Variants in LZTS1 observed in about 807,000 individuals in gnomAD.
The protein encoded by LZTS1 is leucine zipper putative tumor suppressor 1.
A neutral mutation model predicts 45.8 loss-of-function variants in LZTS1; 31 were observed. The ratio of observed to expected loss-of-function variants is 0.68; its 90% CI spans 0.51 to 0.91. LZTS1 has a LOEUF of 0.91. LZTS1 is among the 40% of genes least tolerant of loss of function. LZTS1 has a pLI of 0.00. For synonymous variants in LZTS1, 359 were observed against 357.3 expected (o/e 1.00, Z -0.05); for missense variants, 821 against 788.9 (o/e 1.04, Z -0.49).
chr8:20,265,649 A>AT (rs1800337971), intron 1 of LZTS1, among the ~76,000 whole-genome samples: 1 of 120,308 alleles, frequency 8.3e-6, no homozygotes, highest in African/African-American at 3.1e-5. Flanking sequence ...ACTGCACTCC[A>AT]GCCTGGGCAA....
rs900115111 is a variant in LZTS1, at chr8:20,303,853, C to T, written c.-248G>A. On this transcript the variant is annotated 5_prime_UTR_variant, in exon 1 of 4. Transcript: ENST00000381569. The stretch of plus-strand genomic sequence containing the variant: ...TGAGCGGGCCGGGCCGGTCCCACTG[C>T]GCGGGATGCAGCTCCCGGCTCCCAC... 6.1e-6 allele frequency: 6 copies of T among 985,078 alleles called. No homozygotes were observed. Among genetic ancestry groups the T allele is most frequent in the Non-Finnish European group, 7.2e-6 (6 of 829,856 alleles). The allele number at this position is 985,078 out of a possible 1,614,324, so 61.0% of individuals were successfully genotyped here.
At chr8:20,290,831 AG>A (rs1800888712) in intron 1 of LZTS1, among the ~76,000 whole-genome samples, 1 of 152,362 alleles carries the variant, frequency 6.6e-6, no homozygotes, top group Non-Finnish European at 1.5e-5. Flanking sequence ...GGAAGGAGGA[AG>A]GAAGAAAGGA....
rs138337401 is a variant in LZTS1 at position 20,265,449 on chromosome 8, T to G, written c.-134-10134A>C. 1.3e-4 allele frequency among the ~76,000 whole-genome samples: 20 copies of G among 151,870 alleles called. No individual in the cohort carries two copies. In the East Asian group the frequency reaches 3.7e-3, roughly 28 times the overall value. On this transcript the variant is annotated intron_variant, in intron 1 of 3. Coordinates refer to ENST00000381569, the MANE Select transcript of LZTS1 (RefSeq NM_021020.5). ...GGGAGGCCAAGGGAGGAGGATGGCT[T>G]GAGGTCAGGAGTTCGAGACCAGCCT...
chr8:20,271,589 C>T (rs1221589249), intron 1 of LZTS1, among the ~76,000 whole-genome samples: 1 of 152,194 alleles, frequency 6.6e-6, no homozygotes, highest in East Asian at 1.9e-4. Flanking sequence ...GCCCCGGTGA[C>T]GCTGAGTGAC....
intron 1 of LZTS1, among the ~76,000 whole-genome samples, chr8:20,261,882 G>A (rs908664635): frequency 1.3e-5 from 2 of 152,140 alleles, no homozygotes; most frequent in Non-Finnish European, 2.9e-5. Context: ...TCAGCCTCCA[G>A]CCACCCCGCC....
intron 1 of LZTS1, among the ~76,000 whole-genome samples, chr8:20,278,522 C>T (rs747801988): frequency 6.6e-6 from 1 of 152,212 alleles, no homozygotes; most frequent in Non-Finnish European, 1.5e-5. Context: ...GGCTCTCTTA[C>T]AAGCGTGCTT....
intron 1 of LZTS1, among the ~76,000 whole-genome samples, chr8:20,285,579 A>C (rs1800779043): frequency 6.6e-6 from 1 of 152,196 alleles, no homozygotes; most frequent in African/African-American, 2.4e-5. Flanking sequence ...ATTAAGGAAA[A>C]TCTATATTAA....
chr8:20,290,359 C>T (rs551594988), intron 1 of LZTS1: 1 of 152,164 alleles, frequency 6.6e-6, no homozygotes, highest in Non-Finnish European at 1.5e-5. Flanking sequence ...ACACCATTAA[C>T]AGGGAAAAGT....
chr8:20,296,202 A>T (rs1800976083), intron 1 of LZTS1, among the ~76,000 whole-genome samples: 1 of 152,202 alleles, frequency 6.6e-6, no homozygotes, highest in Non-Finnish European at 1.5e-5. Flanking sequence ...CCAGGGAGCC[A>T]AGTGCACAGC....
At chr8:20,303,305 G>C (rs1337824683) in intron 1 of LZTS1, among the ~76,000 whole-genome samples, 2 of 152,082 alleles carry the variant, frequency 1.3e-5, no homozygotes, top group African/African-American at 4.8e-5. Flanking sequence ...TCCAGGCGGC[G>C]AAGTTCAGCG....
At chr8:20,260,750 T>C (rs562392863) in intron 1 of LZTS1, among the ~76,000 whole-genome samples, 7 of 152,284 alleles carry the variant, frequency 4.6e-5, no homozygotes, top group East Asian at 3.9e-4. Context: ...AGGTAGAAGA[T>C]GGACAATGCC....
rs114427756 is a variant in LZTS1, at chr8:20,292,468, T to C, written c.-135+11272A>G. On this transcript the variant is annotated intron_variant, in intron 1 of 3. Transcript: ENST00000381569. Reference sequence around the variant, plus strand: ...TTTTCAGTTTTGAAAGTACCGACTGTTAGCAACTGCGACCAGCACAGCCTT... The same window carrying C: ...TTTTCAGTTTTGAAAGTACCGACTGCTAGCAACTGCGACCAGCACAGCCTT... Among the ~76,000 whole-genome samples the C allele has an allele frequency of 1.1e-3, 172 of 152,322 alleles. 1 individual carries two copies. Among genetic ancestry groups the C allele is most frequent in the African/African-American group, 3.9e-3 (162 of 41,580 alleles).
chr8:20,257,630 C>A (rs1408728438), intron 1 of LZTS1, among the ~76,000 whole-genome samples: 1 of 151,824 alleles, frequency 6.6e-6, no homozygotes, highest in Non-Finnish European at 1.5e-5. Flanking sequence ...ATATCTTTAA[C>A]CTTCAGTGTT....
chr8:20,286,798 C>G (rs111595684), intron 1 of LZTS1, among the ~76,000 whole-genome samples: 3 of 152,152 alleles, frequency 2.0e-5, no homozygotes, highest in Non-Finnish European at 4.4e-5. Flanking sequence ...CAGGGAGCAA[C>G]GGGCACGAAT....
chr8:20,290,026 T>G (rs574343754), intron 1 of LZTS1: 1 of 152,314 alleles, frequency 6.6e-6, no homozygotes, highest in Admixed American at 6.5e-5. Context: ...CTCCTGGTCC[T>G]AGAACCAGAC....
intron 1 of LZTS1, among the ~76,000 whole-genome samples, chr8:20,262,189 G>C (rs1179072491): frequency 6.6e-6 from 1 of 152,260 alleles, no homozygotes; most frequent in Non-Finnish European, 1.5e-5. Flanking sequence ...AGCCAAGTGT[G>C]TCCTGAATAA....
intron 1 of LZTS1, among the ~76,000 whole-genome samples, chr8:20,300,113 G>A (rs1479160977): frequency 6.6e-6 from 1 of 152,164 alleles, no homozygotes; most frequent in Non-Finnish European, 1.5e-5. Flanking sequence ...GGTGGGGCCT[G>A]AGATGGCCCC....
intron 1 of LZTS1, among the ~76,000 whole-genome samples, chr8:20,297,496 C>A (rs1254128976): frequency 6.6e-6 from 1 of 152,186 alleles, no homozygotes; most frequent in African/African-American, 2.4e-5. Context: ...CTCACTATAA[C>A]CTCCGCCTCC....
Position 20,303,844 on chromosome 8 carries a change from G to A in LZTS1, c.-239C>T, listed in dbSNP as rs1038714670. ...CAGAGCTGCTGAGCGGGCCGGGCCG[G>A]TCCCACTGCGCGGGATGCAGCTCCC... On this transcript the variant is annotated 5_prime_UTR_variant, in exon 1 of 4. Coordinates refer to ENST00000381569, the MANE Select transcript of LZTS1 (RefSeq NM_021020.5). 1 of 985,082 alleles carries A rather than the reference G, an allele frequency of 1.0e-6. No individual in the cohort carries two copies. Among genetic ancestry groups the A allele is most frequent in the Non-Finnish European group, 1.2e-6 (1 of 829,858 alleles). The allele number at this position is 985,082 out of a possible 1,614,324, so 61.0% of individuals were successfully genotyped here.
Sources: allele counts gnomAD v4.1 joint callset (sites outside exome capture counted in the v4.1 genomes callset), GRCh38; gene constraint gnomAD v4.1.1; transcripts MANE v1.5; gene names NCBI Gene and HGNC (gene_info 2026-07-23, HGNC 2026-07-21).